The following DPP10 variants were observed in gnomAD, a reference collection of about 807,000 sequenced individuals.
DPP10 encodes dipeptidyl peptidase like 10.
Under a neutral mutation model 120.9 loss-of-function variants are expected in DPP10, and 33 were observed. The observed-to-expected ratio is 0.27, with a 90% confidence interval of 0.21 to 0.37. The LOEUF (loss-of-function observed/expected upper bound fraction) is 0.37. DPP10 is among the 10% of genes least tolerant of loss of function. The pLI is 1.00. For synonymous variants in DPP10, 337 were observed against 326.1 expected (o/e 1.03, Z -0.36); for missense variants, 816 against 942.8 (o/e 0.87, Z 1.76).
intron 5 of DPP10, among the ~76,000 whole-genome samples, chr2:115,586,620 G>C (rs2149150643): frequency 6.6e-6 from 1 of 152,202 alleles, no homozygotes; most frequent in Admixed American, 6.5e-5. Context: ...CCCAAGACAG[G>C]ATTTTGGCTG....
intron 9 of DPP10, among the ~76,000 whole-genome samples, chr2:115,742,515 A>G (rs1198966008): frequency 6.6e-6 from 1 of 152,184 alleles, no homozygotes; most frequent in African/African-American, 2.4e-5. Context: ...AAGAATTTCC[A>G]GTCCTCAGGT....
At chr2:115,087,539 T>C (rs1559078275) in intron 1 of DPP10, among the ~76,000 whole-genome samples, 2 of 119,748 alleles carry the variant, frequency 1.7e-5, no homozygotes, top group Admixed American at 7.7e-5. Context: ...TTTTCTTTTC[T>C]TTTTTTTTTT....
intron 5 of DPP10, among the ~76,000 whole-genome samples, chr2:115,641,467 C>G (rs1442849785): frequency 6.6e-6 from 1 of 152,152 alleles, no homozygotes; most frequent in East Asian, 1.9e-4. Context: ...CCGTTCATTT[C>G]CAATACTACC....
At chr2:115,549,608 G>A (rs765254527) in intron 5 of DPP10, among the ~76,000 whole-genome samples, 21 of 151,950 alleles carry the variant, frequency 1.4e-4, no homozygotes, top group Non-Finnish European at 2.2e-4. Context: ...TTTATTCACC[G>A]GGATTGCTAC....
At chr2:115,637,967 G>T (rs1204924876) in intron 5 of DPP10, among the ~76,000 whole-genome samples, 1 of 152,222 alleles carries the variant, frequency 6.6e-6, no homozygotes, top group Non-Finnish European at 1.5e-5. Context: ...GTAACCTGTA[G>T]AAGAAGAGCC....
intron 5 of DPP10, among the ~76,000 whole-genome samples, chr2:115,531,422 C>A (rs2148919346): frequency 6.6e-6 from 1 of 152,180 alleles, no homozygotes; most frequent in Non-Finnish European, 1.5e-5. Context: ...ATATGCAGGA[C>A]AAAGATTAAT....
intron 4 of DPP10, among the ~76,000 whole-genome samples, chr2:115,522,556 C>A (rs2077877646): frequency 6.6e-6 from 1 of 152,212 alleles, no homozygotes; most frequent in Admixed American, 6.5e-5. Context: ...CATACCTTGT[C>A]TTTCTTGCTT....
chr2:114,592,085 A>C (rs902507474), intron 1 of DPP10, among the ~76,000 whole-genome samples: 3 of 152,208 alleles, frequency 2.0e-5, no homozygotes, highest in African/African-American at 7.2e-5. Context: ...TTTAGGCTGT[A>C]TGTAGCTCAA....
intron 1 of DPP10, among the ~76,000 whole-genome samples, chr2:115,263,965 A>G (rs955093558): frequency 6.6e-6 from 1 of 152,178 alleles, no homozygotes; most frequent in African/African-American, 2.4e-5. Context: ...GTTATAAGTT[A>G]TATCTGAAAT....
At chr2:114,902,571 AT>A (rs1693666406) in intron 1 of DPP10, among the ~76,000 whole-genome samples, 1 of 152,198 alleles carries the variant, frequency 6.6e-6, no homozygotes, top group Admixed American at 6.5e-5. Flanking sequence ...TTTTATGTGC[AT>A]TTTAGAACCA....
chr2:115,605,410 G>T (rs12104506), intron 5 of DPP10, among the ~76,000 whole-genome samples: 150,394 of 152,196 alleles, frequency 0.99, 74,335 homozygotes, highest in East Asian at 1. Context: ...TTTATTACCT[G>T]CTTTTGGTAT....
At chr2:114,999,454 T>C (rs1422928861) in intron 1 of DPP10, among the ~76,000 whole-genome samples, 1 of 152,218 alleles carries the variant, frequency 6.6e-6, no homozygotes, top group Non-Finnish European at 1.5e-5. Flanking sequence ...AAATTCCAAC[T>C]GAGGTTTCCT....
At chr2:115,064,554 C>A in intron 1 of DPP10, 1 of 898,194 alleles carries the variant, frequency 1.1e-6, no homozygotes, top group Non-Finnish European at 1.5e-6. Context: ...TAATTCTGCC[C>A]CACCACCCAC....
chr2:114,770,880 T>C (rs1372347954), intron 1 of DPP10, among the ~76,000 whole-genome samples: 2 of 152,182 alleles, frequency 1.3e-5, no homozygotes, highest in Non-Finnish European at 2.9e-5. Flanking sequence ...ATGAGTTTTA[T>C]GTCTTGGCCA....
In DPP10 at chr2:114,747,622, A is replaced by G. The variant is rs114609371; in HGVS notation, c.60+304784A>G. Reference sequence around the variant, plus strand: ...ACCTGAAACCATTCCTAAGTCAGAAATTAGAACTTTTCAGAAAAATATGAA... The same window carrying G: ...ACCTGAAACCATTCCTAAGTCAGAAGTTAGAACTTTTCAGAAAAATATGAA... On this transcript the variant is annotated intron_variant, in intron 1 of 25. Coordinates refer to ENST00000410059, the MANE Select transcript of DPP10 (RefSeq NM_020868.6). 2.4e-3 allele frequency among the ~76,000 whole-genome samples: 364 copies of G among 152,342 alleles called. 2 individuals carry two copies. Among genetic ancestry groups the G allele is most frequent in the African/African-American group, 8.1e-3 (338 of 41,584 alleles).
In DPP10 at chr2:115,651,964, A is replaced by G. The variant is rs533581493; in HGVS notation, c.442-37723A>G. Among the ~76,000 whole-genome samples, 17 of 152,190 alleles carry G rather than the reference A, an allele frequency of 1.1e-4. No individual in the cohort carries two copies. In the South Asian group the frequency reaches 3.5e-3, roughly 31 times the overall value. ...CCCTGAAGCACATCAGTTCAATGACATCTGTAGGTTAAGAGGATGCCTTAT... is the reference window on the plus strand; with the variant it reads ...CCCTGAAGCACATCAGTTCAATGACGTCTGTAGGTTAAGAGGATGCCTTAT... On this transcript the variant is annotated intron_variant, in intron 5 of 25. Coordinates refer to ENST00000410059, the MANE Select transcript of DPP10 (RefSeq NM_020868.6).
chr2:115,810,201 T>G (rs1294571820), intron 19 of DPP10, among the ~76,000 whole-genome samples: 1 of 151,696 alleles, frequency 6.6e-6, no homozygotes, highest in East Asian at 1.9e-4. Context: ...ATTTGTGATC[T>G]TAACTATTTA....
chr2:114,548,942 T>C (rs537514303), intron 1 of DPP10, among the ~76,000 whole-genome samples: 20 of 152,358 alleles, frequency 1.3e-4, no homozygotes, highest in African/African-American at 4.8e-4. Context: ...AGCACTCTGA[T>C]GTGTGGCCTT....
At chr2:114,787,772 G>A (rs1682886372) in intron 1 of DPP10, among the ~76,000 whole-genome samples, 1 of 152,164 alleles carries the variant, frequency 6.6e-6, no homozygotes, top group South Asian at 2.1e-4. Flanking sequence ...CCGCTTTGCT[G>A]TGATCTTCTT....
Sources: gnomAD v4.1 joint callset for allele counts (sites outside exome capture counted in the v4.1 genomes callset) on GRCh38, gnomAD v4.1.1 for gene constraint, MANE v1.5 for transcripts, NCBI Gene and HGNC (gene_info 2026-07-23, HGNC 2026-07-21) for gene names.